The following BSN variants were observed in gnomAD, a reference collection of about 807,000 sequenced individuals.
BSN encodes protein bassoon.
A neutral mutation model predicts 264.8 loss-of-function variants in BSN; 57 were observed. The observed-to-expected ratio is 0.22, with a 90% CI of 0.17 to 0.27. BSN has a LOEUF of 0.27. Among genes scored for constraint, BSN ranks in the 10% least tolerant of loss-of-function variants. The probability of loss-of-function intolerance (pLI) is 1.00; values close to 1 mark genes in which losing one functional copy is unlikely to be tolerated. For synonymous variants in BSN, 2,059 were observed against 2,137.3 expected, an observed-to-expected ratio of 0.96 and a Z score of 1.01; for missense variants, 4,615 against 5,232.5, an observed-to-expected ratio of 0.88 and a Z score of 3.64.
Position 49,656,826 on chromosome 3 carries a change from C to T in BSN, c.7270C>T (p.His2424Tyr), listed in dbSNP as rs373491303. The T allele has an allele frequency of 1.3e-6, 2 of 1,599,380 alleles. No homozygotes were observed. The highest frequency in any genetic ancestry group is 1.3e-5 in the African/African-American group (1 of 74,966). Residue 2424 changes from histidine to tyrosine, a missense_variant, in exon 5 of 12, where the codon CAC (histidine) becomes TAC (tyrosine). His to Tyr is a moderately conservative substitution (Grantham distance 83, BLOSUM62 2). Transcript: ENST00000296452. ...RELQELQTIK[H>Y]HVLQQQQEER... ...GTTGCAGGAGCTGCAGACCATCAAG[C>T]ACCATGTGCTGCAGCAGCAGCAAGA...
At chr3:49,637,617 C>T (rs2052428998) in intron 2 of BSN, among the ~76,000 whole-genome samples, 1 of 152,166 alleles carries the variant, frequency 6.6e-6, no homozygotes, top group African/African-American at 2.4e-5. Context: ...TGCCCTTCTG[C>T]ACACTGAATA....
intron 1 of BSN, among the ~76,000 whole-genome samples, chr3:49,580,236 A>G (rs2051885476): frequency 6.6e-6 from 1 of 151,834 alleles, no homozygotes; most frequent in African/African-American, 2.4e-5. Flanking sequence ...ATGTGCCACC[A>G]CATCCAATTT....
rs759920256 is a variant in BSN, at chr3:49,657,690, C to T, written c.8134C>T (p.Arg2712Cys). 67 of 1,559,172 alleles carry T rather than the reference C, an allele frequency of 4.3e-5. No homozygotes were observed. The highest frequency in any genetic ancestry group is 5.3e-5 in the Non-Finnish European group (61 of 1,149,070). Residue 2712 changes from arginine to cysteine, a missense_variant, in exon 5 of 12, where the codon CGT (arginine) becomes TGT (cysteine). Physicochemically the swap from Arg to Cys is radical, Grantham distance 180. Transcript: ENST00000296452. ...CATATCGGCGCCAGAGAAGACTGGG[C>T]GTGGGGAGAGCCTGGCCTGCCAGAC... ...RYISAPEKTG[R>C]GESLACQTEP...
At chr3:49,582,985 A>ATTTATTTG (rs2051906770) in intron 1 of BSN, among the ~76,000 whole-genome samples, 1 of 151,016 alleles carries the variant, frequency 6.6e-6, no homozygotes, top group Non-Finnish European at 1.5e-5. Flanking sequence ...TTATTTATTT[A>ATTTATTTG]TGAGACAGGG....
rs1401126946 is a variant in BSN, at chr3:49,670,971, T to C, written c.*3486T>C. 1 of 152,246 alleles carries C rather than the reference T, an allele frequency of 6.6e-6. No homozygotes were observed. Among genetic ancestry groups the C allele is most frequent in the Non-Finnish European group, 1.5e-5 (1 of 68,080 alleles). 9.4% of individuals were successfully genotyped at this position (152,246 alleles called of 1,614,324 possible). A position where few individuals can be genotyped will look rare whatever the true frequency, so the allele number is the denominator to read the frequency against. On this transcript the variant is annotated 3_prime_UTR_variant, in exon 12 of 12. Coordinates refer to ENST00000296452, the MANE Select transcript of BSN (RefSeq NM_003458.4). ...CCCATGCTGTAAATACTTGTCATCA[T>C]GGACTCCAACAGGGTTAGAGGGACA...
intron 1 of BSN, among the ~76,000 whole-genome samples, chr3:49,601,200 A>G (rs1390598904): frequency 6.6e-6 from 1 of 152,182 alleles, no homozygotes; most frequent in Non-Finnish European, 1.5e-5. Context: ...GCAAGTAGGG[A>G]GTGCCCTGGG....
At chr3:49,583,663 C>T (rs1272818783) in intron 1 of BSN, among the ~76,000 whole-genome samples, 5 of 152,116 alleles carry the variant, frequency 3.3e-5, no homozygotes, top group Admixed American at 3.3e-4. Context: ...TAGTAGGATT[C>T]ACCAGTGAAG....
Position 49,656,686 on chromosome 3 carries a change from G to T in BSN, c.7130G>T (p.Arg2377Leu). ...KQQEQLLQLE[R>L]ERVELEKLRQ... ...CAGGAGCAGCTGCTCCAGCTAGAGCGGGAGCGGGTGGAGTTGGAGAAGCTG... is the reference window on the plus strand; with the variant it reads ...CAGGAGCAGCTGCTCCAGCTAGAGCTGGAGCGGGTGGAGTTGGAGAAGCTG... The change falls in exon 5 of 12, where the codon CGG (arginine) becomes CTG (leucine). Residue 2377 changes from arginine (R) to leucine (L), a missense_variant. Physicochemically the swap from Arg to Leu is moderately radical, Grantham distance 102 (BLOSUM62 -2). Coordinates refer to ENST00000296452, the MANE Select transcript of BSN (RefSeq NM_003458.4). 6.3e-7 allele frequency: 1 copy of T among 1,593,254 alleles called. No individual in the cohort carries two copies. The highest frequency in any genetic ancestry group is 8.5e-7 in the Non-Finnish European group (1 of 1,169,636).
In BSN at chr3:49,585,953, A is replaced by AT. The variant is rs2051934034; in HGVS notation, c.224+31134dup. On this transcript the variant is annotated intron_variant, in intron 1 of 11. Transcript: ENST00000296452. The surrounding 1 kb of genome is among the most constrained non-coding windows in gnomAD (Gnocchi z 4.7). Reference sequence around the variant, plus strand: ...TGTTCATTTTTGATCGGATTATTAGATTTTTTTCTATATAGTTGTTTGAGC... The same window carrying AT: ...TGTTCATTTTTGATCGGATTATTAGATTTTTTTTCTATATAGTTGTTTGAGC... Among the ~76,000 whole-genome samples the AT allele has an allele frequency of 6.6e-6, 1 of 151,828 alleles. No homozygotes were observed. Among genetic ancestry groups the AT allele is most frequent in the African/African-American group, 2.4e-5 (1 of 41,332 alleles).
At chr3:49,649,083 C>T (rs1021547414) in intron 3 of BSN, among the ~76,000 whole-genome samples, 1 of 152,192 alleles carries the variant, frequency 6.6e-6, no homozygotes, top group African/African-American at 2.4e-5. Flanking sequence ...CTGTGGACAG[C>T]AAACCAGGGC....
rs2108098741 is a variant in BSN, at chr3:49,663,421, G to A, written c.11263G>A (p.Gly3755Arg). ...GCTGCAAGGTCGGCAGGCAGCTCCA[G>A]GACCACAGCAGTCACAGTCACCATC... The part of the protein sequence containing the change: ...PQLQGRQAAP[G>R]PQQSQSPSSR... The change falls in exon 7 of 12, where the codon GGA becomes AGA. Residue 3755 changes from glycine (G) to arginine (R), a missense_variant. Gly to Arg is a moderately radical substitution (Grantham distance 125). Around this residue, in one of 3 missense-constraint regions of BSN, gnomAD observed 3,415 missense variants for 3,866.4 expected, o/e 0.88. Coordinates refer to ENST00000296452, the MANE Select transcript of BSN (RefSeq NM_003458.4). The A allele has an allele frequency of 6.2e-7, 1 of 1,612,850 alleles. No individual in the cohort carries two copies. The highest frequency in any genetic ancestry group is 8.5e-7 in the Non-Finnish European group (1 of 1,180,002).
rs764383053 is a variant in BSN, at chr3:49,661,800, T to C, written c.9955T>C (p.Tyr3319His). The change falls in exon 6 of 12, where the codon TAC becomes CAC. Residue 3319 changes from tyrosine to histidine, a missense_variant. By Grantham distance (83) the Tyr-to-His change is moderately conservative (BLOSUM62 2). Transcript: ENST00000296452. ...CAATGGTCGACCAGCCAGTACCCAC[T>C]ACTATGGTGACAGTGACTACAGGCA... is the stretch of plus-strand genomic sequence containing the variant. ...ESNGRPASTHYYGDSDYRHGA... is the reference protein window; with the variant it reads ...ESNGRPASTHHYGDSDYRHGA... 2.5e-5 allele frequency: 41 copies of C among 1,613,578 alleles called. No individual in the cohort carries two copies. Among genetic ancestry groups the C allele is most frequent in the Non-Finnish European group, 3.5e-5 (41 of 1,180,040 alleles).
chr3:49,610,436 T>C (rs950209422), intron 1 of BSN, among the ~76,000 whole-genome samples: 19 of 152,032 alleles, frequency 1.2e-4, no homozygotes, highest in African/African-American at 4.6e-4. Flanking sequence ...TACAAAAAAT[T>C]AGCTGGGTGT....
intron 1 of BSN, among the ~76,000 whole-genome samples, chr3:49,588,787 A>G (rs562745534): frequency 9.8e-5 from 15 of 152,324 alleles, no homozygotes; most frequent in African/African-American, 3.6e-4. Context: ...GTGTTCAGAA[A>G]ACATTCATTG....
At chr3:49,555,590 G>A (rs951087943) in intron 1 of BSN, among the ~76,000 whole-genome samples, 2 of 152,218 alleles carry the variant, frequency 1.3e-5, no homozygotes, top group African/African-American at 2.4e-5. Context: ...ATTAAATACT[G>A]TGAAACCAGT....
At chr3:49,591,381 C>G (rs1449909440) in intron 1 of BSN, among the ~76,000 whole-genome samples, 2 of 152,170 alleles carry the variant, frequency 1.3e-5, no homozygotes, top group Non-Finnish European at 2.9e-5. Context: ...TTCTTTTGTA[C>G]TTACCTACCT....
intron 1 of BSN, among the ~76,000 whole-genome samples, chr3:49,594,805 G>A (rs2052008417): frequency 6.6e-6 from 1 of 151,878 alleles, no homozygotes; most frequent in African/African-American, 2.4e-5. Context: ...TTCAGTCCAT[G>A]AACATAGTAT....
intron 1 of BSN, among the ~76,000 whole-genome samples, chr3:49,614,493 G>A (rs1327049646): frequency 6.6e-6 from 1 of 152,192 alleles, no homozygotes; most frequent in Non-Finnish European, 1.5e-5. Context: ...AAGATCAAAG[G>A]TAAACGCCAC....
chr3:49,654,857 C>A lies in BSN; in HGVS notation c.5301C>A (p.Ser1767Arg). 1 of 1,613,480 alleles carries A rather than the reference C, an allele frequency of 6.2e-7. No individual in the cohort carries two copies. Among genetic ancestry groups the A allele is most frequent in the Non-Finnish European group, 8.5e-7 (1 of 1,179,996 alleles). The change falls in exon 5 of 12, where the codon AGC (serine) becomes AGA (arginine). Residue 1767 changes from serine (S) to arginine (R), a missense_variant. By Grantham distance (110) the Ser-to-Arg change is moderately radical. Around this residue, in one of 3 missense-constraint regions of BSN, gnomAD observed 3,415 missense variants for 3,866.4 expected, o/e 0.88. Coordinates refer to ENST00000296452, the MANE Select transcript of BSN (RefSeq NM_003458.4). This position sits in a 1 kb window ranked among gnomAD's most constrained non-coding sequence, Gnocchi z 4.1. ...SRLDFGQGGGSPVCLAQVKQV... is the reference protein window; with the variant it reads ...SRLDFGQGGGRPVCLAQVKQV... The stretch of plus-strand genomic sequence containing the variant: ...TTGACTTTGGCCAGGGTGGGGGTAG[C>A]CCTGTGTGCCTGGCCCAGGTCAAAC...
Sources: gnomAD v4.1 joint callset for allele counts (sites outside exome capture counted in the v4.1 genomes callset) on GRCh38, gnomAD v4.1.1 for gene constraint, gnomAD v4.1.1 regional missense constraint, Gnocchi (gnomAD v3.1) non-coding constraint, MANE v1.5 for transcripts, NCBI Gene and HGNC (gene_info 2026-07-23, HGNC 2026-07-21) for gene names.